Variants in DIAPH2 observed in about 807,000 individuals in gnomAD.
DIAPH2 encodes diaphanous related formin 2, also known as protein diaphanous homolog 2.
A neutral mutation model predicts 92.7 loss-of-function variants in DIAPH2; 35 were observed. The observed-to-expected ratio is 0.38, with a 90% confidence interval of 0.29 to 0.50. The LOEUF is 0.50. DIAPH2 is among the 20% of genes least tolerant of loss of function. The probability of loss-of-function intolerance (pLI) is 0.94; values close to 1 mark genes in which losing one functional copy is unlikely to be tolerated. For synonymous variants in DIAPH2, 301 were observed against 280.4 expected (o/e 1.07, Z -0.73); for missense variants, 701 against 819.5 (o/e 0.86, Z 1.77).
intron 26 of DIAPH2, among the ~76,000 whole-genome samples, chrX:97,474,178 G>A (rs992567406): frequency 1.8e-5 from 2 of 111,956 alleles, no homozygotes; most frequent in African/African-American, 3.2e-5. Context: ...AAAGTTTGCC[G>A]ACTGCTGGAG....
chrX:97,575,022 C>T (rs1379311265), intron 26 of DIAPH2, among the ~76,000 whole-genome samples: 1 of 112,322 alleles, frequency 8.9e-6, no homozygotes, highest in Non-Finnish European at 1.9e-5. Context: ...ATTGACTGAA[C>T]TTATTGAGCA....
intron 24 of DIAPH2, among the ~76,000 whole-genome samples, chrX:97,362,031 A>G (rs908810158): frequency 7.2e-5 from 8 of 111,848 alleles, no homozygotes; most frequent in Non-Finnish European, 1.3e-4. Flanking sequence ...ACTTGAGGTC[A>G]GGAGTTCGAG....
chrX:97,523,149 C>T (rs888679749), intron 26 of DIAPH2, among the ~76,000 whole-genome samples: 14 of 111,508 alleles, frequency 1.3e-4, no homozygotes, highest in Non-Finnish European at 2.3e-4. Flanking sequence ...GACTTTTGTT[C>T]TTATTGCCTG....
At chrX:97,335,818 C>G (rs1725333566) in intron 23 of DIAPH2, among the ~76,000 whole-genome samples, 1 of 111,494 alleles carries the variant, frequency 9.0e-6, no homozygotes, top group Non-Finnish European at 1.9e-5. Flanking sequence ...ATTTAGGCAC[C>G]ATTTTTTATA....
rs1283581600 is a variant in DIAPH2, at chrX:97,602,793, T to TATC, written c.*3478_*3480dup. The TATC allele has an allele frequency of 8.9e-6, 1 of 112,303 alleles. No individual in the cohort carries two copies. The highest frequency in any genetic ancestry group is 2.8e-4 in the East Asian group (1 of 3,569). 9.3% of individuals were successfully genotyped at this position (112,303 alleles called of 1,213,427 possible). ...GCACATGTTTGCAGCTGAGAAGTTT[T>TATC]ATCAACGGGTTTCCTACCTGTAGAA... On this transcript the variant is annotated 3_prime_UTR_variant, in exon 27 of 27. Coordinates refer to ENST00000324765, the MANE Select transcript of DIAPH2 (RefSeq NM_006729.5).
At chrX:97,460,988 G>C (rs1273783913) in intron 26 of DIAPH2, among the ~76,000 whole-genome samples, 1 of 112,334 alleles carries the variant, frequency 8.9e-6, no homozygotes, top group Non-Finnish European at 1.9e-5. Context: ...AGCTACATCA[G>C]TTTATCTCTA....
chrX:96,881,544 C>T, intron 4 of DIAPH2, 35 bp from the exon 5 acceptor site: 1 of 1,147,579 alleles, frequency 8.7e-7, no homozygotes, highest in Non-Finnish European at 1.2e-6. Flanking sequence ...TTTTTTGAAA[C>T]ATTGTCTAAA....
chrX:96,806,018 C>A (rs1432498246), intron 4 of DIAPH2, among the ~76,000 whole-genome samples: 1 of 111,880 alleles, frequency 8.9e-6, no homozygotes, highest in East Asian at 2.8e-4. Flanking sequence ...GCTGACTTTC[C>A]CCATTATTCA....
intron 22 of DIAPH2, among the ~76,000 whole-genome samples, chrX:97,231,266 T>C (rs1211525163): frequency 1.1e-5 from 1 of 93,894 alleles, no homozygotes; most frequent in Non-Finnish European, 2.1e-5. Flanking sequence ...TTTGAGTAAA[T>C]TACTCTTGAA....
At chrX:97,100,879 G>C (rs930158526) in intron 20 of DIAPH2, among the ~76,000 whole-genome samples, 2 of 111,666 alleles carry the variant, frequency 1.8e-5, no homozygotes, top group African/African-American at 3.3e-5. Flanking sequence ...CCCATATTTA[G>C]AGTTTATTAA....
intron 1 of DIAPH2, among the ~76,000 whole-genome samples, chrX:96,691,913 G>A (rs1415084852): frequency 9.0e-6 from 1 of 111,629 alleles, no homozygotes; most frequent in South Asian, 3.7e-4. Flanking sequence ...ACTCACCCAA[G>A]GGAGAAGAGA....
At chrX:97,439,981 A>G in intron 26 of DIAPH2, among the ~76,000 whole-genome samples, 1 of 111,104 alleles carries the variant, frequency 9.0e-6, no homozygotes, top group Non-Finnish European at 1.9e-5. Flanking sequence ...AATGATAAAC[A>G]TCCAGGTGAT....
At chrX:97,065,740 A>T (rs1039477950) in intron 17 of DIAPH2, among the ~76,000 whole-genome samples, 1 of 110,716 alleles carries the variant, frequency 9.0e-6, no homozygotes, top group African/African-American at 3.3e-5. Context: ...AAAAGAAGTC[A>T]TTGTTATCAT....
intron 26 of DIAPH2, among the ~76,000 whole-genome samples, chrX:97,572,851 G>A (rs1160724552): frequency 9.0e-6 from 1 of 111,459 alleles, no homozygotes; most frequent in African/African-American, 3.3e-5. Flanking sequence ...AGTGTTCCAG[G>A]GAAAGAGTAA....
chrX:97,382,683 A>G (rs916769826), intron 24 of DIAPH2, among the ~76,000 whole-genome samples: 25 of 111,926 alleles, frequency 2.2e-4, no homozygotes, highest in African/African-American at 7.1e-4. Flanking sequence ...TAAGAGCACA[A>G]AAACAATGAC....
intron 26 of DIAPH2, among the ~76,000 whole-genome samples, chrX:97,490,553 A>G (rs1331808002): frequency 9.2e-6 from 1 of 108,653 alleles, no homozygotes; most frequent in Non-Finnish European, 1.9e-5. Context: ...CACCATAAAT[A>G]TCCCTCTTAG....
chrX:96,733,714 C>A (rs1043615411), intron 1 of DIAPH2, among the ~76,000 whole-genome samples: 2 of 111,530 alleles, frequency 1.8e-5, no homozygotes, highest in African/African-American at 6.5e-5. Context: ...GAAGTCACTA[C>A]AGAAATTTAG....
intron 26 of DIAPH2, among the ~76,000 whole-genome samples, chrX:97,585,582 TAAAA>T: frequency 1.0e-5 from 1 of 97,757 alleles, no homozygotes. Flanking sequence ...CTTTCCTAAG[TAAAA>T]AAAAAAAAAA....
chrX:97,283,732 C>T (rs766370731), intron 23 of DIAPH2, among the ~76,000 whole-genome samples: 2 of 112,341 alleles, frequency 1.8e-5, no homozygotes, highest in South Asian at 3.6e-4. Flanking sequence ...CACCTGAGGT[C>T]GGGAGTTTGA....
Sources: gnomAD v4.1 joint callset for allele counts (sites outside exome capture counted in the v4.1 genomes callset) on GRCh38, gnomAD v4.1.1 for gene constraint, MANE v1.5 for transcripts, NCBI Gene and HGNC (gene_info 2026-07-23, HGNC 2026-07-21) for gene names.